Variants in GPHN observed in about 807,000 individuals in gnomAD.
The protein encoded by GPHN is gephyrin.
GPHN carries 17 observed loss-of-function variants against 95.5 expected under a neutral mutation model. That is an observed-to-expected ratio of 0.18 (90% CI 0.12 to 0.27). The LOEUF (loss-of-function observed/expected upper bound fraction) is 0.27. Ranked by LOEUF, GPHN falls within the 10% of genes least tolerant of loss-of-function variation. GPHN has a pLI of 1.00. For synonymous variants in GPHN, 320 were observed against 322.5 expected (o/e 0.99, Z 0.08); for missense variants, 660 against 978.1 (o/e 0.67, Z 4.34).
chr14:67,257,827 C>CT, the GPHN span, among the ~76,000 whole-genome samples: 2 of 152,086 alleles, frequency 1.3e-5, no homozygotes, highest in African/African-American at 2.4e-5. Context: ...GAACTGTTTG[C>CT]TTTTTTTAAA....
chr14:66,860,347 T>A (rs1383430095), intron 4 of GPHN, among the ~76,000 whole-genome samples: 3 of 151,824 alleles, frequency 2.0e-5, no homozygotes, highest in African/African-American at 7.3e-5. Flanking sequence ...AGGAAAAAAG[T>A]TTTGCTCTAG....
the GPHN span, among the ~76,000 whole-genome samples, chr14:67,465,439 G>T: frequency 2.3e-5 from 3 of 128,710 alleles, 1 homozygote; most frequent in Non-Finnish European, 5.6e-5. Flanking sequence ...TCGCTAAGGT[G>T]TCGAGCTTGA....
the GPHN span, chr14:67,651,728 C>CA: frequency 7.9e-5 from 27 of 342,666 alleles, no homozygotes; most frequent in Non-Finnish European, 1.3e-4. Context: ...AAATGTTGTT[C>CA]AAATAGTAGT....
At chr14:67,034,932 CAG>C (rs1053961797) in intron 10 of GPHN, among the ~76,000 whole-genome samples, 5 of 152,034 alleles carry the variant, frequency 3.3e-5, no homozygotes, top group African/African-American at 1.2e-4. Flanking sequence ...TTAGATCTAA[CAG>C]AATATTCCAC....
At chr14:67,190,584 C>T in the GPHN span, among the ~76,000 whole-genome samples, 1 of 152,132 alleles carries the variant, frequency 6.6e-6, no homozygotes, top group Non-Finnish European at 1.5e-5. Context: ...AGAAAAAATT[C>T]TCAAAGACTG....
chr14:66,997,366 TA>T (rs34315684), intron 9 of GPHN, among the ~76,000 whole-genome samples: 2,422 of 123,952 alleles, frequency 0.02, 51 homozygotes, highest in African/African-American at 0.053. Flanking sequence ...GACTTCGTCT[TA>T]AAAAAAAAAA....
the GPHN span, among the ~76,000 whole-genome samples, chr14:67,626,259 A>G: frequency 3.9e-4 from 56 of 144,612 alleles, no homozygotes; most frequent in African/African-American, 1.1e-3. Flanking sequence ...GTCTCAGGGG[A>G]AAAAAAAAAC....
At chr14:66,570,330 G>A (rs560921072) in intron 1 of GPHN, among the ~76,000 whole-genome samples, 52 of 126,956 alleles carry the variant, frequency 4.1e-4, no homozygotes, top group African/African-American at 1.4e-3. Flanking sequence ...ATGGAGTTTC[G>A]CTTCGCTCTT....
intron 4 of GPHN, among the ~76,000 whole-genome samples, chr14:66,863,017 G>C (rs1056162599): frequency 2.0e-5 from 3 of 152,018 alleles, no homozygotes; most frequent in African/African-American, 4.8e-5. Context: ...ATCCACATTG[G>C]AAAGGAAGAA....
At chr14:67,494,709 A>G in the GPHN span, among the ~76,000 whole-genome samples, 3 of 152,212 alleles carry the variant, frequency 2.0e-5, no homozygotes, top group African/African-American at 7.2e-5. Flanking sequence ...CAGAATCAGC[A>G]TTCACAGAGA....
intron 1 of GPHN, among the ~76,000 whole-genome samples, chr14:66,534,156 A>G (rs2059046976): frequency 6.6e-6 from 1 of 152,126 alleles, no homozygotes; most frequent in Non-Finnish European, 1.5e-5. Context: ...GCATATAGTA[A>G]AATGTACAGA....
chr14:67,119,917 G>A (rs2078917220), intron 16 of GPHN, among the ~76,000 whole-genome samples: 1 of 152,134 alleles, frequency 6.6e-6, no homozygotes, highest in South Asian at 2.1e-4. Flanking sequence ...ATCACTTGGG[G>A]TCAGGAGTTC....
chr14:67,159,188 A>T (rs1394625377), intron 18 of GPHN, among the ~76,000 whole-genome samples: 1 of 152,208 alleles, frequency 6.6e-6, no homozygotes, highest in Non-Finnish European at 1.5e-5. Flanking sequence ...ATCCCCCTAC[A>T]CATAGACTGG....
chr14:67,461,466 G>T, the GPHN span, among the ~76,000 whole-genome samples: 2 of 152,178 alleles, frequency 1.3e-5, no homozygotes, highest in Admixed American at 1.3e-4. Context: ...AAAGAGGGTG[G>T]TTGCAATCAG....
At chr14:66,513,488 A>G (rs901312690) in intron 1 of GPHN, among the ~76,000 whole-genome samples, 3 of 151,830 alleles carry the variant, frequency 2.0e-5, no homozygotes, top group Admixed American at 1.3e-4. Flanking sequence ...AACAATCAGT[A>G]AAATAGATAA....
chr14:66,672,038 T>A (rs577541556), intron 1 of GPHN, among the ~76,000 whole-genome samples: 1 of 152,244 alleles, frequency 6.6e-6, no homozygotes, highest in Admixed American at 6.5e-5. Context: ...AGGCTTAGAT[T>A]ATTAATTTTA....
At chr14:67,637,791 C>A in the GPHN span, among the ~76,000 whole-genome samples, 1 of 152,152 alleles carries the variant, frequency 6.6e-6, no homozygotes, top group Non-Finnish European at 1.5e-5. Flanking sequence ...AAGGTTATGG[C>A]AGTAGAATAA....
chr14:67,699,589 C>CAAAAAAAAAAAAAA, the GPHN span, among the ~76,000 whole-genome samples: 2 of 50,802 alleles, frequency 3.9e-5, no homozygotes, highest in Admixed American at 2.4e-4. Context: ...GACCCTATCT[C>CAAAAAAAAAAAAAA]AAAAAAAAAA....
At chr14:67,717,167 T>C in the GPHN span, among the ~76,000 whole-genome samples, 3 of 152,240 alleles carry the variant, frequency 2.0e-5, no homozygotes, top group African/African-American at 4.8e-5. Context: ...AAAATTTGTA[T>C]ACAGTGAAAG....
Sources: allele counts gnomAD v4.1 joint callset (sites outside exome capture counted in the v4.1 genomes callset), GRCh38; gene constraint gnomAD v4.1.1; transcripts MANE v1.5; gene names NCBI Gene and HGNC (gene_info 2026-07-23, HGNC 2026-07-21).